The following PRKG1 variants were observed in gnomAD, a reference collection of about 807,000 sequenced individuals.
PRKG1 encodes protein kinase cGMP-dependent 1.
PRKG1 carries 35 observed loss-of-function variants against 88.1 expected under a neutral mutation model. That is an observed-to-expected ratio of 0.40 (90% CI 0.30 to 0.53). The LOEUF (loss-of-function observed/expected upper bound fraction) is 0.53, where lower values mean the gene tolerates loss of function less well. Among genes scored for constraint, PRKG1 ranks in the 20% least tolerant of loss-of-function variants. The pLI, the probability that PRKG1 is intolerant of heterozygous loss-of-function variation, is 0.59. For synonymous variants in PRKG1, 303 were observed against 292.5 expected, an observed-to-expected ratio of 1.04 and a Z score of -0.37; for missense variants, 540 against 839.8, an observed-to-expected ratio of 0.64 and a Z score of 4.41.
At chr10:51,412,180 T>A (rs202113671) in intron 2 of PRKG1, among the ~76,000 whole-genome samples, 489 of 125,074 alleles carry the variant, frequency 3.9e-3, no homozygotes, top group African/African-American at 7.8e-3. Flanking sequence ...GGAGAGAGAG[T>A]GAGAGAGAGA....
intron 2 of PRKG1, among the ~76,000 whole-genome samples, chr10:51,374,000 G>T (rs747786069): frequency 1.3e-5 from 2 of 149,948 alleles, no homozygotes; most frequent in Non-Finnish European, 3.0e-5. Context: ...AAATTAGCTG[G>T]GGGCGGTGTA....
At chr10:51,107,954 AT>A (rs977399067) in intron 1 of PRKG1, among the ~76,000 whole-genome samples, 16 of 152,208 alleles carry the variant, frequency 1.1e-4, no homozygotes, top group African/African-American at 3.6e-4. Context: ...TAATAAGGAA[AT>A]TTTTTGAACA....
chr10:51,428,519 C>T (rs1233013989), intron 2 of PRKG1, among the ~76,000 whole-genome samples: 1 of 152,124 alleles, frequency 6.6e-6, no homozygotes, highest in Non-Finnish European at 1.5e-5. Flanking sequence ...ATAAAACAAC[C>T]ATTTCATTAC....
At chr10:51,102,053 A>G (rs888211676) in intron 1 of PRKG1, among the ~76,000 whole-genome samples, 2 of 152,136 alleles carry the variant, frequency 1.3e-5, no homozygotes, top group Non-Finnish European at 2.9e-5. Context: ...TACCACCATC[A>G]TGGCCAATGT....
chr10:52,067,342 A>G (rs1024189358), intron 7 of PRKG1, among the ~76,000 whole-genome samples: 1 of 152,212 alleles, frequency 6.6e-6, no homozygotes, highest in Non-Finnish European at 1.5e-5. Flanking sequence ...TCAGCAGGCA[A>G]TTAAATATTG....
chr10:51,375,508 T>C (rs1388640747), intron 2 of PRKG1, among the ~76,000 whole-genome samples: 2 of 152,158 alleles, frequency 1.3e-5, no homozygotes, highest in African/African-American at 4.8e-5. Flanking sequence ...TCCAAAATGT[T>C]CCAGTGAGCA....
At chr10:51,140,595 A>G (rs1416203205) in intron 1 of PRKG1, among the ~76,000 whole-genome samples, 1 of 152,208 alleles carries the variant, frequency 6.6e-6, no homozygotes, top group Non-Finnish European at 1.5e-5. Context: ...TAACATGTGC[A>G]AAAATGCCTA....
At chr10:51,726,752 G>A (rs1842140883) in intron 3 of PRKG1, among the ~76,000 whole-genome samples, 2 of 152,102 alleles carry the variant, frequency 1.3e-5, no homozygotes, top group African/African-American at 4.8e-5. Flanking sequence ...TTGAATGAAT[G>A]CCTATGAAGT....
chr10:51,537,955 G>A (rs1428696735), intron 3 of PRKG1, among the ~76,000 whole-genome samples: 1 of 152,132 alleles, frequency 6.6e-6, no homozygotes, highest in African/African-American at 2.4e-5. Context: ...TTAGCTTTAA[G>A]CTAGACAAAT....
At chr10:52,277,069 T>C (rs1419932286) in intron 12 of PRKG1, among the ~76,000 whole-genome samples, 4 of 152,154 alleles carry the variant, frequency 2.6e-5, no homozygotes, top group African/African-American at 9.7e-5. Flanking sequence ...CCCTCCACAT[T>C]CCAAAATGAC....
At chr10:51,498,995 C>CAGT (rs1331010413) in intron 3 of PRKG1, among the ~76,000 whole-genome samples, 2 of 151,712 alleles carry the variant, frequency 1.3e-5, no homozygotes, top group African/African-American at 4.8e-5. Context: ...TTAGAGGAAA[C>CAGT]TAGTCATGAC....
intron 2 of PRKG1, among the ~76,000 whole-genome samples, chr10:51,304,477 AT>A (rs1450203557): frequency 1.3e-5 from 2 of 151,956 alleles, no homozygotes; most frequent in South Asian, 2.1e-4. Flanking sequence ...ATTTATTTTT[AT>A]TTTTTTATTT....
chr10:51,820,531 TTC>T (rs1199896168), intron 4 of PRKG1, among the ~76,000 whole-genome samples: 1 of 152,156 alleles, frequency 6.6e-6, no homozygotes, highest in East Asian at 1.9e-4. Flanking sequence ...GCTAATCTGA[TTC>T]TGTGCCTTTT....
At chr10:51,846,867 T>C (rs957816488) in intron 4 of PRKG1, among the ~76,000 whole-genome samples, 7 of 152,188 alleles carry the variant, frequency 4.6e-5, no homozygotes, top group African/African-American at 1.7e-4. Context: ...GGAATATCTA[T>C]CTTGAAATTG....
chr10:51,682,665 C>G (rs1840880812), intron 3 of PRKG1, among the ~76,000 whole-genome samples: 1 of 152,186 alleles, frequency 6.6e-6, no homozygotes, highest in Non-Finnish European at 1.5e-5. Context: ...AGTGCTTTAT[C>G]AAACAGTCCT....
chr10:52,172,041 A>C (rs1375762763), intron 9 of PRKG1, among the ~76,000 whole-genome samples: 4 of 151,700 alleles, frequency 2.6e-5, no homozygotes, highest in African/African-American at 9.7e-5. Context: ...TGACCTCATG[A>C]TCCACCCGCC....
At chr10:51,475,402 T>A (rs1419845333) in intron 3 of PRKG1, among the ~76,000 whole-genome samples, 2 of 151,956 alleles carry the variant, frequency 1.3e-5, no homozygotes, top group African/African-American at 4.8e-5. Context: ...TAACAAGGCC[T>A]TCCAGGTAAT....
intron 3 of PRKG1, among the ~76,000 whole-genome samples, chr10:51,475,481 T>C (rs1219371819): frequency 6.6e-6 from 1 of 152,040 alleles, no homozygotes; most frequent in Non-Finnish European, 1.5e-5. Flanking sequence ...CACATATGCA[T>C]ACTATCATGT....
chr10:51,617,236 C>T (rs959413804), intron 3 of PRKG1, among the ~76,000 whole-genome samples: 3 of 152,156 alleles, frequency 2.0e-5, no homozygotes, highest in African/African-American at 7.2e-5. Flanking sequence ...CACTCATGGT[C>T]TCCGACTCAC....
Sources: allele counts gnomAD v4.1 joint callset (sites outside exome capture counted in the v4.1 genomes callset), GRCh38; gene constraint gnomAD v4.1.1; transcripts MANE v1.5; gene names NCBI Gene and HGNC (gene_info 2026-07-23, HGNC 2026-07-21).